Variants in TMEM232 observed in about 807,000 individuals in gnomAD.
TMEM232 encodes the protein transmembrane protein 232.
Under a neutral mutation model 78.8 loss-of-function variants are expected in TMEM232, and 80 were observed. The ratio of observed to expected loss-of-function variants is 1.01; its 90% CI spans 0.85 to 1.22. The LOEUF (loss-of-function observed/expected upper bound fraction) is 1.22, where lower values mean the gene tolerates loss of function less well. TMEM232 is among the 50% of genes most tolerant of loss of function. The pLI is 0.00. For missense variants in TMEM232, 881 were observed against 742.2 expected, an observed-to-expected ratio of 1.19 and a Z score of -2.17; for synonymous variants, 297 against 254.3, an observed-to-expected ratio of 1.17 and a Z score of -1.60.
In TMEM232 at chr5:110,528,629, C is replaced by A. The variant is rs1041159027; in HGVS notation, c.1662G>T (p.Lys554Asn). The A allele has an allele frequency of 6.5e-7, 1 of 1,532,998 alleles. No homozygotes were observed. The highest frequency in any genetic ancestry group is 8.7e-7 in the Non-Finnish European group (1 of 1,145,252). The allele number at this position is 1,532,998 out of a possible 1,614,324, so 95.0% of individuals were successfully genotyped here. ...KKDQTKYPNK[K>N]LESVKKQVLH... ...GAACTTGCTTTTTCACAGACTCCAG[C>A]TTTTTATTTGGATATTTTGTTTGAT... The change falls in exon 12 of 14, where the codon AAG (lysine) becomes AAT (asparagine). Residue 554 changes from lysine to asparagine, a missense_variant. By Grantham distance (94) the Lys-to-Asn change is moderately conservative. Coordinates refer to ENST00000455884, the MANE Select transcript of TMEM232 (RefSeq NM_001039763.4).
At chr5:110,425,978 T>C (rs914263751) in intron 12 of TMEM232, among the ~76,000 whole-genome samples, 1 of 152,132 alleles carries the variant, frequency 6.6e-6, no homozygotes, top group African/African-American at 2.4e-5. Context: ...TTTGCCTGGT[T>C]TCTCCAGACT....
intron 11 of TMEM232, among the ~76,000 whole-genome samples, chr5:110,562,108 T>C (rs756059208): frequency 9.9e-5 from 15 of 152,080 alleles, no homozygotes; most frequent in Non-Finnish European, 2.1e-4. Context: ...AAAAAAGTTA[T>C]AGGAAGTCGT....
Position 110,601,758 on chromosome 5 carries a change from C to T in TMEM232, c.1276+3351G>A, listed in dbSNP as rs1452117377. 3.3e-5 allele frequency among the ~76,000 whole-genome samples: 5 copies of T among 152,126 alleles called. No homozygotes were observed. In the East Asian group the frequency reaches 7.7e-4, roughly 23 times the overall value. On this transcript the variant is annotated intron_variant, in intron 10 of 13. Coordinates refer to ENST00000455884, the MANE Select transcript of TMEM232 (RefSeq NM_001039763.4). Reference sequence around the variant, plus strand: ...TAGATTCAATACTATTCCCATCAAGCTACCACTGACTTTCCTCACAGAACT... The same window carrying T: ...TAGATTCAATACTATTCCCATCAAGTTACCACTGACTTTCCTCACAGAACT...
intron 1 of TMEM232, among the ~76,000 whole-genome samples, chr5:110,699,597 A>G (rs1795204127): frequency 6.6e-6 from 1 of 152,040 alleles, no homozygotes; most frequent in South Asian, 2.1e-4. Context: ...TACAAAGGGG[A>G]ATGATAAAAT....
At chr5:110,422,058 T>A (rs901056349) in intron 13 of TMEM232, among the ~76,000 whole-genome samples, 1 of 152,224 alleles carries the variant, frequency 6.6e-6, no homozygotes, top group African/African-American at 2.4e-5. Context: ...CTACAAGTTC[T>A]ATGATACTCA....
At chr5:110,675,682 A>T (rs1791939928) in intron 1 of TMEM232, among the ~76,000 whole-genome samples, 1 of 152,216 alleles carries the variant, frequency 6.6e-6, no homozygotes, top group Non-Finnish European at 1.5e-5. Flanking sequence ...GTATATATTT[A>T]TGTTGTATAA....
chr5:110,515,177 G>C (rs1768424263), intron 12 of TMEM232, among the ~76,000 whole-genome samples: 1 of 152,118 alleles, frequency 6.6e-6, no homozygotes, highest in Non-Finnish European at 1.5e-5. Context: ...CTCCATCTAA[G>C]GGTAGTACTT....
At chr5:110,721,178 T>A (rs532620951) in intron 1 of TMEM232, among the ~76,000 whole-genome samples, 1 of 152,124 alleles carries the variant, frequency 6.6e-6, no homozygotes, top group African/African-American at 2.4e-5. Flanking sequence ...ACCTCCTGAA[T>A]GTAAAAATAA....
Position 110,420,717 on chromosome 5 carries a change from T to G in TMEM232, c.1837A>C (p.Ile613Leu), listed in dbSNP as rs1388776169. The change falls in exon 14 of 14, where the codon ATA (isoleucine) becomes CTA (leucine). Residue 613 changes from isoleucine (I) to leucine (L), a missense_variant. Physicochemically the swap from Ile to Leu is conservative, Grantham distance 5. Coordinates refer to ENST00000455884, the MANE Select transcript of TMEM232 (RefSeq NM_001039763.4). ...TCTTTAAGTTCTTGGGCCTTGCATATTGCATCTTCTTTTTCTCGGATCTTT... is the reference window on the plus strand; with the variant it reads ...TCTTTAAGTTCTTGGGCCTTGCATAGTGCATCTTCTTTTTCTCGGATCTTT... Reference protein sequence around the residue: ...ELKIREKEDAICKAQELKDKK... With the variant: ...ELKIREKEDALCKAQELKDKK... 1.3e-6 allele frequency: 2 copies of G among 1,525,610 alleles called. No individual in the cohort carries two copies. Among genetic ancestry groups the G allele is most frequent in the Non-Finnish European group, 1.7e-6 (2 of 1,144,000 alleles). 94.5% of individuals were successfully genotyped at this position (1,525,610 alleles called of 1,614,324 possible).
intron 5 of TMEM232, among the ~76,000 whole-genome samples, chr5:110,632,338 GA>G (rs112117919): frequency 5.4e-5 from 8 of 148,974 alleles, no homozygotes; most frequent in Middle Eastern, 3.5e-3. Flanking sequence ...AAGGAAACAT[GA>G]AAAAAAAACA....
intron 4 of TMEM232, among the ~76,000 whole-genome samples, chr5:110,640,481 G>C (rs950263300): frequency 3.3e-5 from 5 of 152,008 alleles, no homozygotes; most frequent in Non-Finnish European, 5.9e-5. Context: ...AAGGTAATGA[G>C]TAAAGCTTGC....
At chr5:110,706,701 G>A (rs1027227267) in intron 1 of TMEM232, among the ~76,000 whole-genome samples, 2 of 152,038 alleles carry the variant, frequency 1.3e-5, no homozygotes, top group African/African-American at 4.8e-5. Context: ...CAGCAATACT[G>A]CAGACAATGC....
chr5:110,627,640 C>T (rs1784592634), intron 6 of TMEM232, 141 bp downstream of exon 6: 1 of 529,538 alleles, frequency 1.9e-6, no homozygotes, highest in Non-Finnish European at 3.2e-6. Flanking sequence ...GCAATCTGGC[C>T]CTGAAGCTGT....
intron 12 of TMEM232, among the ~76,000 whole-genome samples, chr5:110,441,684 A>G (rs915270634): frequency 1.3e-5 from 2 of 152,214 alleles, no homozygotes; most frequent in South Asian, 2.1e-4. Flanking sequence ...GCTGTGATAA[A>G]TTGAGTTGCC....
chr5:110,433,750 AAATTTT>A (rs1355431223), intron 12 of TMEM232, among the ~76,000 whole-genome samples: 2 of 226 alleles, frequency 8.8e-3, no homozygotes, highest in Non-Finnish European at 0.015. Flanking sequence ...AATCGTTTTT[AAATTTT>A]AATTCTCTTT....
chr5:110,516,263 T>G (rs1371899157), intron 12 of TMEM232, among the ~76,000 whole-genome samples: 1 of 152,162 alleles, frequency 6.6e-6, no homozygotes, highest in African/African-American at 2.4e-5. Flanking sequence ...AAAAATTTTT[T>G]TTGAACAAAC....
chr5:110,512,991 G>A (rs780905826), intron 12 of TMEM232, among the ~76,000 whole-genome samples: 3 of 152,108 alleles, frequency 2.0e-5, no homozygotes, highest in Non-Finnish European at 2.9e-5. Flanking sequence ...AAAGACACTC[G>A]TCATATAAGC....
chr5:110,631,094 A>G (rs540935298), intron 5 of TMEM232, among the ~76,000 whole-genome samples: 56 of 152,246 alleles, frequency 3.7e-4, no homozygotes, highest in African/African-American at 1.3e-3. Context: ...AGGAGCCCCA[A>G]CTGACATTCC....
intron 10 of TMEM232, among the ~76,000 whole-genome samples, chr5:110,582,194 A>G (rs1011509332): frequency 3.3e-5 from 5 of 151,998 alleles, no homozygotes; most frequent in African/African-American, 1.2e-4. Context: ...TTCTACCAAA[A>G]AGACAACATG....
Sources: gnomAD v4.1 joint callset for allele counts (sites outside exome capture counted in the v4.1 genomes callset) on GRCh38, gnomAD v4.1.1 for gene constraint, MANE v1.5 for transcripts, NCBI Gene and HGNC (gene_info 2026-07-23, HGNC 2026-07-21) for gene names.